Variants in NEGR1 observed in about 807,000 individuals in gnomAD.
NEGR1 encodes IgLON family member 4.
In NEGR1, 10 loss-of-function variants were observed where a neutral mutation model predicts 40.9. The ratio of observed to expected loss-of-function variants is 0.24; its 90% CI spans 0.15 to 0.42. NEGR1 has a LOEUF of 0.42. Ranked by LOEUF, NEGR1 falls within the 10% of genes least tolerant of loss-of-function variation. NEGR1 has a pLI of 1.00. For synonymous variants in NEGR1, 185 were observed against 166.8 expected (o/e 1.11, Z -0.84); for missense variants, 352 against 438.9 (o/e 0.80, Z 1.77).
chr1:71,656,280 G>C (rs556974475), intron 4 of NEGR1, among the ~76,000 whole-genome samples: 1 of 152,312 alleles, frequency 6.6e-6, no homozygotes, highest in East Asian at 1.9e-4. Context: ...AGACAGTTCT[G>C]ATGGCCCCTA....
chr1:71,468,367 C>G (rs1038145529), intron 6 of NEGR1: 1 of 151,910 alleles, frequency 6.6e-6, no homozygotes, highest in Admixed American at 6.6e-5. Context: ...ACCTTATCAA[C>G]CTTGGCATGG....
chr1:71,797,131 A>G (rs1321983366), intron 2 of NEGR1, among the ~76,000 whole-genome samples: 1 of 152,180 alleles, frequency 6.6e-6, no homozygotes, highest in Non-Finnish European at 1.5e-5. Context: ...CGAATACTTA[A>G]TATGTGTGAA....
intron 1 of NEGR1, among the ~76,000 whole-genome samples, chr1:72,092,496 G>A (rs532868840): frequency 8.6e-4 from 131 of 152,158 alleles, no homozygotes; most frequent in African/African-American, 2.9e-3. Flanking sequence ...ATGTTGCCCT[G>A]TGATTTTCAC....
At chr1:71,937,451 C>T (rs1645916114) in intron 1 of NEGR1, among the ~76,000 whole-genome samples, 1 of 152,136 alleles carries the variant, frequency 6.6e-6, no homozygotes, top group African/African-American at 2.4e-5. Context: ...TTCTGTGTGA[C>T]CACTGCATCT....
chr1:71,570,644 C>A (rs1557571083), intron 6 of NEGR1, among the ~76,000 whole-genome samples: 1 of 148,132 alleles, frequency 6.8e-6, no homozygotes. Flanking sequence ...ATACTGGGTC[C>A]TTATTATTAT....
intron 1 of NEGR1, among the ~76,000 whole-genome samples, chr1:72,044,330 T>TA (rs534733009): frequency 0.13 from 16,866 of 131,460 alleles, 1,168 homozygotes; most frequent in African/African-American, 0.19. Context: ...AGGTCTAAGT[T>TA]AAAAAAAAAA....
chr1:72,246,232 G>A (rs751568785), intron 1 of NEGR1, among the ~76,000 whole-genome samples: 8 of 152,008 alleles, frequency 5.3e-5, no homozygotes, highest in Non-Finnish European at 1.0e-4. Context: ...ACAATTTACA[G>A]CCAGCCAACA....
At chr1:72,241,582 T>C (rs1450380546) in intron 1 of NEGR1, among the ~76,000 whole-genome samples, 2 of 151,712 alleles carry the variant, frequency 1.3e-5, no homozygotes, top group East Asian at 1.9e-4. Context: ...ACAGTAACTG[T>C]GACTAATGGC....
chr1:71,613,550 G>C (rs1487774075), intron 4 of NEGR1, among the ~76,000 whole-genome samples: 1 of 151,906 alleles, frequency 6.6e-6, no homozygotes, highest in Non-Finnish European at 1.5e-5. Context: ...CGGGAGGCTT[G>C]GGAGGCTGAA....
intron 2 of NEGR1, among the ~76,000 whole-genome samples, chr1:71,857,918 C>G (rs1457049956): frequency 6.6e-6 from 1 of 151,990 alleles, no homozygotes; most frequent in Non-Finnish European, 1.5e-5. Context: ...TTTCTTCTTT[C>G]CTTTTTGCAA....
chr1:71,510,810 A>G (rs891159354), intron 6 of NEGR1, among the ~76,000 whole-genome samples: 3 of 152,162 alleles, frequency 2.0e-5, no homozygotes, highest in Non-Finnish European at 2.9e-5. Flanking sequence ...CTTCCGCTAT[A>G]CTTTGTGTCT....
intron 2 of NEGR1, among the ~76,000 whole-genome samples, chr1:71,788,809 T>C (rs574455522): frequency 6.6e-6 from 1 of 152,130 alleles, no homozygotes; most frequent in South Asian, 2.1e-4. Context: ...GATTTATATA[T>C]TATTCATTTG....
At chr1:72,016,809 C>T (rs539397499) in intron 1 of NEGR1, among the ~76,000 whole-genome samples, 26 of 152,240 alleles carry the variant, frequency 1.7e-4, no homozygotes, top group African/African-American at 5.5e-4. Context: ...ACAGTTTGGC[C>T]TTTCTAGAGA....
At chr1:72,139,484 T>C (rs1160737740) in intron 1 of NEGR1, among the ~76,000 whole-genome samples, 1 of 152,056 alleles carries the variant, frequency 6.6e-6, no homozygotes, top group African/African-American at 2.4e-5. Context: ...ATTTTAAATG[T>C]ATAACTAGGG....
intron 1 of NEGR1, among the ~76,000 whole-genome samples, chr1:72,169,127 CATG>C (rs1651872646): frequency 6.6e-6 from 1 of 151,976 alleles, no homozygotes; most frequent in African/African-American, 2.4e-5. Context: ...TACAAAAAAT[CATG>C]ATAATTAGTT....
intron 2 of NEGR1, among the ~76,000 whole-genome samples, chr1:71,811,432 C>T (rs766057876): frequency 6.6e-6 from 1 of 151,964 alleles, no homozygotes; most frequent in Admixed American, 6.6e-5. Context: ...TCCAATGTCA[C>T]CTCCTTTCCT....
intron 1 of NEGR1, among the ~76,000 whole-genome samples, chr1:72,218,729 T>A (rs1452039159): frequency 6.6e-6 from 1 of 151,784 alleles, no homozygotes; most frequent in Non-Finnish European, 1.5e-5. Flanking sequence ...AAGAAAAATA[T>A]TAAAAAGACA....
In NEGR1 at chr1:71,417,315, T is replaced by C. The variant is rs550769729; in HGVS notation, c.941-9745A>G. On this transcript the variant is annotated intron_variant, in intron 6 of 6. Coordinates refer to ENST00000357731, the MANE Select transcript of NEGR1 (RefSeq NM_173808.3). ...AACTATTTATTACAGAGAATGGAAG[T>C]ATAGATACATTGTTTAAATTTCTGC... is the stretch of plus-strand genomic sequence containing the variant. Among the ~76,000 whole-genome samples, 4 of 152,258 alleles carry C rather than the reference T, an allele frequency of 2.6e-5. No individual in the cohort carries two copies. The East Asian group carries it at 5.8e-4, about 22-fold the overall frequency.
At chr1:71,824,492 G>A (rs1263223259) in intron 2 of NEGR1, among the ~76,000 whole-genome samples, 1 of 151,880 alleles carries the variant, frequency 6.6e-6, no homozygotes, top group Non-Finnish European at 1.5e-5. Flanking sequence ...TTTTGCAAAT[G>A]GAGAAAGGAG....
Sources: gnomAD v4.1 joint callset for allele counts (sites outside exome capture counted in the v4.1 genomes callset) on GRCh38, gnomAD v4.1.1 for gene constraint, MANE v1.5 for transcripts, NCBI Gene and HGNC (gene_info 2026-07-23, HGNC 2026-07-21) for gene names.